HSF2BP: variants seen among roughly 807,000 people sequenced by gnomAD.
HSF2BP encodes heat shock transcription factor 2 binding protein.
HSF2BP carries 35 observed loss-of-function variants against 35.0 expected under a neutral mutation model. The observed-to-expected ratio is 1.00, with a 90% CI of 0.76 to 1.32. The LOEUF is 1.32. Ranked by LOEUF, HSF2BP falls within the 40% of genes most tolerant of loss-of-function variation. The pLI is 0.00. For synonymous variants in HSF2BP, 114 were observed against 117.4 expected, an observed-to-expected ratio of 0.97 and a Z score of 0.18; for missense variants, 326 against 321.7, an observed-to-expected ratio of 1.01 and a Z score of -0.10.
chr21:43,615,135 C>T (rs1194884462), intron 6 of HSF2BP, among the ~76,000 whole-genome samples: 2 of 152,158 alleles, frequency 1.3e-5, no homozygotes, highest in African/African-American at 4.8e-5. Context: ...TAAGAGTTTT[C>T]TTTAGTTGGG....
intron 5 of HSF2BP, among the ~76,000 whole-genome samples, chr21:43,632,379 C>A (rs1272175417): frequency 2.8e-3 from 49 of 17,312 alleles, no homozygotes; most frequent in East Asian, 9.0e-3. Flanking sequence ...CACACACGCT[C>A]CCCCCCCACA....
chr21:43,600,791 T>C (rs1483711551), intron 7 of HSF2BP, among the ~76,000 whole-genome samples: 1 of 152,220 alleles, frequency 6.6e-6, no homozygotes, highest in Non-Finnish European at 1.5e-5. Context: ...TGAATTCCCT[T>C]GGTGAACGCT....
intron 8 of HSF2BP, among the ~76,000 whole-genome samples, chr21:43,574,024 A>G (rs866670652): frequency 2.8e-4 from 42 of 152,176 alleles, no homozygotes; most frequent in African/African-American, 9.6e-4. Flanking sequence ...CTGCTCCATG[A>G]GCCTCTGTGA....
the HSF2BP span, among the ~76,000 whole-genome samples, chr21:43,495,931 C>T: frequency 2.7e-5 from 3 of 112,862 alleles, 1 homozygote; most frequent in African/African-American, 3.3e-5. Context: ...CTGTGGAGCA[C>T]GGACTCCCAG....
At chr21:43,632,687 T>C (rs183484009) in intron 5 of HSF2BP, among the ~76,000 whole-genome samples, 1 of 152,104 alleles carries the variant, frequency 6.6e-6, no homozygotes, top group Admixed American at 6.5e-5. Context: ...CCTACTCAAT[T>C]TGAAGATGAT....
At chr21:43,654,036 A>G (rs920308472) in intron 3 of HSF2BP, among the ~76,000 whole-genome samples, 4 of 152,152 alleles carry the variant, frequency 2.6e-5, no homozygotes, top group Non-Finnish European at 5.9e-5. Context: ...ATCAGCTTGC[A>G]CCGAGAAAGC....
chr21:43,659,468 G>GCCAGGGCCACTGCCGCGCTCACTC lies in HSF2BP; in HGVS notation c.-308_-307insGAGTGAGCGCGGCAGTGGCCCTGG. ...CACGGGCTGGGCCGCTCCGCCAGCT[G>GCCAGGGCCACTGCCGCGCTCACTC]CCAGGGCCACTGCCGCGCTCACTCC... On this transcript the variant is annotated 5_prime_UTR_variant, in exon 1 of 9. Coordinates refer to ENST00000291560, the MANE Select transcript of HSF2BP (RefSeq NM_007031.2). This position sits in a 1 kb window ranked among gnomAD's most constrained non-coding sequence, Gnocchi z 4.2. 1 of 396,640 alleles carries GCCAGGGCCACTGCCGCGCTCACTC rather than the reference G, an allele frequency of 2.5e-6. No homozygotes were observed. Among genetic ancestry groups the GCCAGGGCCACTGCCGCGCTCACTC allele is most frequent in the Non-Finnish European group, 3.8e-6 (1 of 263,712 alleles). 24.6% of individuals were successfully genotyped at this position (396,640 alleles called of 1,614,324 possible). A position where few individuals can be genotyped will look rare whatever the true frequency, so the allele number is the denominator to read the frequency against.
chr21:43,604,298 CA>C lies in HSF2BP; in HGVS notation c.692+9531del, dbSNP rs1386184823. On this transcript the variant is annotated intron_variant, in intron 7 of 8. Transcript: ENST00000291560. The stretch of plus-strand genomic sequence containing the variant: ...ACTCACACACATCACACACACCACA[CA>C]CACCATGCACAAACCACAAACACAC... 4.8e-4 allele frequency among the ~76,000 whole-genome samples: 71 copies of C among 147,214 alleles called. 1 individual carries two copies. Among genetic ancestry groups the C allele is most frequent in the Admixed American group, 2.5e-3 (37 of 14,794 alleles).
intron 6 of HSF2BP, among the ~76,000 whole-genome samples, chr21:43,625,340 G>A (rs2082376637): frequency 6.6e-6 from 1 of 151,428 alleles, no homozygotes; most frequent in African/African-American, 2.4e-5. Flanking sequence ...CACCATACAA[G>A]GCAGCAAAAA....
At position 43,581,343 on chromosome 21, in the gene HSF2BP, G is replaced by A. The variant is rs1042434037; in HGVS notation, c.796+10882C>T. 2.0e-5 allele frequency among the ~76,000 whole-genome samples: 3 copies of A among 151,260 alleles called. 1 individual carries two copies. Among genetic ancestry groups the A allele is most frequent in the African/African-American group, 4.9e-5 (2 of 41,070 alleles). The stretch of plus-strand genomic sequence containing the variant: ...AGGGCTTGCAGTGAGCCAAGATCAC[G>A]CCTCTGAACTCCAGCCTGGGTGGCA... On this transcript the variant is annotated intron_variant, in intron 8 of 8. Coordinates refer to ENST00000291560, the MANE Select transcript of HSF2BP (RefSeq NM_007031.2).
intron 8 of HSF2BP, among the ~76,000 whole-genome samples, chr21:43,591,525 G>C (rs1355350701): frequency 6.6e-6 from 1 of 152,154 alleles, no homozygotes; most frequent in Non-Finnish European, 1.5e-5. Flanking sequence ...AACAGAACTA[G>C]AGTAAACTTA....
chr21:43,608,566 C>G (rs1261328608), intron 7 of HSF2BP, among the ~76,000 whole-genome samples: 2 of 152,140 alleles, frequency 1.3e-5, no homozygotes, highest in Non-Finnish European at 2.9e-5. Flanking sequence ...AAAAACAGAC[C>G]TAGCATTCAA....
At chr21:43,604,344 C>A (rs929303400) in intron 7 of HSF2BP, among the ~76,000 whole-genome samples, 1 of 137,796 alleles carries the variant, frequency 7.3e-6, no homozygotes, top group Non-Finnish European at 1.6e-5. Context: ...ACACATCACG[C>A]ACACACCACA....
intron 7 of HSF2BP, among the ~76,000 whole-genome samples, chr21:43,598,887 C>T (rs1186675552): frequency 1.3e-5 from 2 of 152,096 alleles, no homozygotes; most frequent in Non-Finnish European, 2.9e-5. Context: ...AAATATATTG[C>T]CCAAGGCTGC....
At chr21:43,623,707 G>C (rs1601685490) in intron 6 of HSF2BP, among the ~76,000 whole-genome samples, 1 of 152,098 alleles carries the variant, frequency 6.6e-6, no homozygotes, top group East Asian at 1.9e-4. Context: ...TTCTTATAGT[G>C]CCTCAAATTA....
intron 8 of HSF2BP, among the ~76,000 whole-genome samples, chr21:43,589,266 C>A (rs912969929): frequency 1.3e-5 from 2 of 152,160 alleles, no homozygotes; most frequent in African/African-American, 4.8e-5. Flanking sequence ...CTGCTATACA[C>A]ACATCCTTGA....
At chr21:43,658,874 C>T (rs2147149962) in intron 1 of HSF2BP, among the ~76,000 whole-genome samples, 1 of 152,340 alleles carries the variant, frequency 6.6e-6, no homozygotes, top group African/African-American at 2.4e-5. Context: ...CTCAACAGGC[C>T]CCAGTGCCGG....
chr21:43,576,254 G>A (rs1367658028), intron 8 of HSF2BP, among the ~76,000 whole-genome samples: 1 of 152,102 alleles, frequency 6.6e-6, no homozygotes, highest in Non-Finnish European at 1.5e-5. Context: ...ATAAGTCAAT[G>A]GTTTCCTATT....
At chr21:43,649,932 C>T (rs1207614892) in intron 3 of HSF2BP, among the ~76,000 whole-genome samples, 1 of 152,152 alleles carries the variant, frequency 6.6e-6, no homozygotes, top group Non-Finnish European at 1.5e-5. Context: ...CTTCATGTTG[C>T]TAGGTGAACT....
Sources: gnomAD v4.1 joint callset for allele counts (sites outside exome capture counted in the v4.1 genomes callset) on GRCh38, gnomAD v4.1.1 for gene constraint, Gnocchi (gnomAD v3.1) non-coding constraint, MANE v1.5 for transcripts, NCBI Gene and HGNC (gene_info 2026-07-23, HGNC 2026-07-21) for gene names.